Variants in RBFOX3 observed in about 807,000 individuals in gnomAD.
The protein encoded by RBFOX3 is RNA binding protein fox-1 homolog 3.
In RBFOX3, 17 loss-of-function variants were observed where a neutral mutation model predicts 48.7. That is an observed-to-expected ratio of 0.35 (90% CI 0.24 to 0.52). The LOEUF is 0.52. Ranked by LOEUF, RBFOX3 falls within the 20% of genes least tolerant of loss-of-function variation. RBFOX3 has a pLI of 0.94. For missense variants in RBFOX3, 382 were observed against 497.5 expected (o/e 0.77, Z 2.21); for synonymous variants, 212 against 209.5 (o/e 1.01, Z -0.10).
At chr17:79,439,723 C>T (rs184250723) in intron 2 of RBFOX3, among the ~76,000 whole-genome samples, 14 of 152,374 alleles carry the variant, frequency 9.2e-5, no homozygotes, top group African/African-American at 1.9e-4. Flanking sequence ...CAGTGGCATA[C>T]ACCACACACC....
the RBFOX3 span, among the ~76,000 whole-genome samples, chr17:79,617,797 A>G: frequency 6.6e-6 from 1 of 152,248 alleles, no homozygotes; most frequent in African/African-American, 2.4e-5. Flanking sequence ...CCCATATCAC[A>G]GATGAGAACA....
At chr17:79,464,325 G>A (rs552941537) in intron 2 of RBFOX3, among the ~76,000 whole-genome samples, 1 of 152,370 alleles carries the variant, frequency 6.6e-6, no homozygotes, top group African/African-American at 2.4e-5. Flanking sequence ...GCGACAGCCC[G>A]GAGAAGAGGG....
intron 4 of RBFOX3, among the ~76,000 whole-genome samples, chr17:79,203,317 T>C (rs990129851): frequency 8.2e-5 from 11 of 134,714 alleles, no homozygotes; most frequent in African/African-American, 3.2e-4. Flanking sequence ...TGGCAGTGGT[T>C]TGAGGGTGAA....
At chr17:79,654,201 C>T in the RBFOX3 span, among the ~76,000 whole-genome samples, 2 of 152,118 alleles carry the variant, frequency 1.3e-5, no homozygotes, top group African/African-American at 2.4e-5. Context: ...AATCGAGCAC[C>T]GGAGAGGCTG....
Position 79,361,711 on chromosome 17 carries a change from CAT to C in RBFOX3, c.-174-53889_-174-53888del. On this transcript the variant is annotated intron_variant, in intron 2 of 14. Transcript: ENST00000693108. The surrounding 1 kb of genome is among the most constrained non-coding windows in gnomAD (Gnocchi z 4.5). ...CATTTCTTGGTCTTTGGGCCAAGGT[CAT>C]GTGTGTGTGCACACGTGTGTGCGCT... is the stretch of plus-strand genomic sequence containing the variant. Among the ~76,000 whole-genome samples the C allele has an allele frequency of 6.6e-6, 1 of 152,228 alleles. No homozygotes were observed. Among genetic ancestry groups the C allele is most frequent in the Admixed American group, 6.5e-5 (1 of 15,290 alleles).
intron 2 of RBFOX3, among the ~76,000 whole-genome samples, chr17:79,328,305 C>T (rs2079650451): frequency 6.6e-6 from 1 of 152,204 alleles, no homozygotes; most frequent in South Asian, 2.1e-4. Flanking sequence ...CCACTTTCTG[C>T]TGAGCATTCA....
Position 79,489,240 on chromosome 17 carries a change from T to TAAA in RBFOX3, c.-319-6645_-319-6643dup, listed in dbSNP as rs71161671. Among the ~76,000 whole-genome samples, 791 of 126,426 alleles carry TAAA rather than the reference T, an allele frequency of 6.3e-3. 13 individuals are homozygous for TAAA. Among genetic ancestry groups the TAAA allele is most frequent in the East Asian group, 0.062 (257 of 4,118 alleles). The allele number at this position is 126,426 out of a possible 152,430, so 82.9% of individuals were successfully genotyped here. ...TAGCCTTCTAGTCCTGCCAGAAAGT[T>TAAA]AAAAAAAAAAAAAAAAAAAAAAGAA... On this transcript the variant is annotated intron_variant, in intron 1 of 14. Coordinates refer to ENST00000693108, the MANE Select transcript of RBFOX3 (RefSeq NM_001350451.2).
At chr17:79,264,787 G>A (rs1003897523) in intron 3 of RBFOX3, among the ~76,000 whole-genome samples, 3 of 152,064 alleles carry the variant, frequency 2.0e-5, no homozygotes, top group Non-Finnish European at 2.9e-5. Context: ...TGCCAGAGGC[G>A]GTGTGCCCCA....
At chr17:79,123,679 C>T (rs2036393071) in intron 4 of RBFOX3, among the ~76,000 whole-genome samples, 1 of 152,148 alleles carries the variant, frequency 6.6e-6, no homozygotes, top group Non-Finnish European at 1.5e-5. Flanking sequence ...TCATCGAATC[C>T]CCACAAGCCT....
At position 79,124,989 on chromosome 17, in the gene RBFOX3, C is replaced by T. The variant is rs574878891; in HGVS notation, c.-33-9241G>A. Among the ~76,000 whole-genome samples, 3 of 152,294 alleles carry T rather than the reference C, an allele frequency of 2.0e-5. No homozygotes were observed. The East Asian group carries it at 5.8e-4, about 29-fold the overall frequency. On this transcript the variant is annotated intron_variant, in intron 4 of 14. Coordinates refer to ENST00000693108, the MANE Select transcript of RBFOX3 (RefSeq NM_001350451.2). ...TCATTGCTTCCTCCACGCGCTCCTC[C>T]GGGCCTGGCGTGGTGATGGCTCTGT...
chr17:79,491,308 G>A (rs1335383663), intron 1 of RBFOX3, among the ~76,000 whole-genome samples: 3 of 151,820 alleles, frequency 2.0e-5, no homozygotes, highest in Non-Finnish European at 4.4e-5. Flanking sequence ...AGACATATAA[G>A]TTAGAAACCA....
At chr17:79,217,366 T>C (rs1055738554) in intron 4 of RBFOX3, among the ~76,000 whole-genome samples, 1 of 152,198 alleles carries the variant, frequency 6.6e-6, no homozygotes, top group Admixed American at 6.5e-5. Context: ...CCTACAGAGC[T>C]GCTGCTTCAG....
chr17:79,283,811 G>A (rs2071187920), intron 3 of RBFOX3, among the ~76,000 whole-genome samples: 1 of 152,234 alleles, frequency 6.6e-6, no homozygotes, highest in South Asian at 2.1e-4. Context: ...CCATCGCCTA[G>A]AACTCTATGA....
At chr17:79,261,683 C>T (rs1482027176) in intron 3 of RBFOX3, among the ~76,000 whole-genome samples, 1 of 152,212 alleles carries the variant, frequency 6.6e-6, no homozygotes, top group Non-Finnish European at 1.5e-5. Context: ...AGCAGCAGCT[C>T]GCACACAGGC....
chr17:79,184,377 C>T (rs1021749003), intron 4 of RBFOX3, among the ~76,000 whole-genome samples: 2 of 152,234 alleles, frequency 1.3e-5, no homozygotes, highest in African/African-American at 4.8e-5. Context: ...TTCGCTCCCA[C>T]GGGACAGGCG....
chr17:79,377,025 G>C (rs555550169), intron 2 of RBFOX3, among the ~76,000 whole-genome samples: 2 of 152,160 alleles, frequency 1.3e-5, no homozygotes, highest in East Asian at 3.9e-4. Flanking sequence ...TGAGTTTGGG[G>C]GTGTTCCGTG....
intron 3 of RBFOX3, among the ~76,000 whole-genome samples, chr17:79,302,803 A>C (rs958356890): frequency 2.0e-5 from 3 of 152,200 alleles, no homozygotes; most frequent in Non-Finnish European, 4.4e-5. Flanking sequence ...TTTAAAACAA[A>C]ATAATATTTA....
intron 4 of RBFOX3, among the ~76,000 whole-genome samples, chr17:79,152,168 G>T (rs2044673387): frequency 6.6e-6 from 1 of 152,042 alleles, no homozygotes; most frequent in South Asian, 2.1e-4. Flanking sequence ...CCAGGAGAGG[G>T]GCCAGGGTTG....
intron 5 of RBFOX3, among the ~76,000 whole-genome samples, chr17:79,108,506 C>A (rs756567127): frequency 2.6e-4 from 39 of 152,126 alleles, no homozygotes; most frequent in Non-Finnish European, 5.1e-4. Context: ...GAGTGGGGAG[C>A]CTGGGGTCAC....
Sources: allele counts gnomAD v4.1 joint callset (sites outside exome capture counted in the v4.1 genomes callset), GRCh38; gene constraint gnomAD v4.1.1; non-coding constraint Gnocchi (gnomAD v3.1); transcripts MANE v1.5; gene names NCBI Gene and HGNC (gene_info 2026-07-23, HGNC 2026-07-21).